Variants in EPHA6 observed in about 807,000 individuals in gnomAD.
EPHA6 encodes the protein EPH receptor A6.
A neutral mutation model predicts 112.0 loss-of-function variants in EPHA6; 50 were observed. The observed-to-expected ratio is 0.45, with a 90% CI of 0.36 to 0.56. EPHA6 has a LOEUF of 0.56. EPHA6 is among the 20% of genes least tolerant of loss of function. The pLI is 0.00. For missense variants in EPHA6, 1,280 were observed against 1,417.4 expected, an observed-to-expected ratio of 0.90 and a Z score of 1.56; for synonymous variants, 529 against 490.7, an observed-to-expected ratio of 1.08 and a Z score of -1.03.
At position 96,845,045 on chromosome 3, in the gene EPHA6, A is replaced by G. The variant is rs2318152; in HGVS notation, c.386-21780A>G. Reference sequence around the variant, plus strand: ...GTGTATTTATTTTGTCATGTTCACTACTATTTTCCAAGTACATAGATATTA... The same window carrying G: ...GTGTATTTATTTTGTCATGTTCACTGCTATTTTCCAAGTACATAGATATTA... On this transcript the variant is annotated intron_variant, in intron 1 of 17. Coordinates refer to ENST00000389672, the MANE Select transcript of EPHA6 (RefSeq NM_001080448.3). Among the ~76,000 whole-genome samples, 1,111 of 152,142 alleles carry G rather than the reference A, an allele frequency of 7.3e-3. 11 individuals are homozygous for G. Among genetic ancestry groups the G allele is most frequent in the African/African-American group, 0.025 (1,030 of 41,552 alleles).
intron 3 of EPHA6, among the ~76,000 whole-genome samples, chr3:97,199,851 C>T (rs2077535095): frequency 6.6e-6 from 1 of 152,122 alleles, no homozygotes; most frequent in South Asian, 2.1e-4. Flanking sequence ...TTTGGTTATT[C>T]ACTGGCTATT....
At chr3:97,023,339 A>G (rs988580465) in intron 3 of EPHA6, among the ~76,000 whole-genome samples, 2 of 152,152 alleles carry the variant, frequency 1.3e-5, no homozygotes, top group African/African-American at 4.8e-5. Flanking sequence ...TTGGCCTCCC[A>G]AAGTGCTGGG....
intron 10 of EPHA6, among the ~76,000 whole-genome samples, chr3:97,506,777 C>T (rs1316965430): frequency 1.3e-5 from 2 of 152,104 alleles, no homozygotes; most frequent in African/African-American, 2.4e-5. Flanking sequence ...GCCATTTTCA[C>T]GATATTGATT....
At chr3:97,357,755 TA>T (rs2084160163) in intron 5 of EPHA6, among the ~76,000 whole-genome samples, 1 of 152,152 alleles carries the variant, frequency 6.6e-6, no homozygotes, top group South Asian at 2.1e-4. Flanking sequence ...AATTAACACA[TA>T]TTTTCTATAT....
At chr3:97,599,180 G>A (rs2093621770) in intron 12 of EPHA6, among the ~76,000 whole-genome samples, 1 of 151,130 alleles carries the variant, frequency 6.6e-6, no homozygotes, top group Non-Finnish European at 1.5e-5. Context: ...TTTGTCAGAC[G>A]AGTAGGTTGC....
chr3:97,738,292 G>C (rs1416471804), intron 16 of EPHA6, among the ~76,000 whole-genome samples: 1 of 151,942 alleles, frequency 6.6e-6, no homozygotes, highest in African/African-American at 2.4e-5. Context: ...AGAGCTAGTA[G>C]TGAGTCTGCA....
At chr3:96,863,934 A>G (rs1173890633) in intron 1 of EPHA6, among the ~76,000 whole-genome samples, 1 of 152,052 alleles carries the variant, frequency 6.6e-6, no homozygotes, top group African/African-American at 2.4e-5. Context: ...TGATGAGAAA[A>G]TTAGAATAAA....
intron 15 of EPHA6, among the ~76,000 whole-genome samples, chr3:97,730,263 G>A (rs1246488235): frequency 6.6e-6 from 1 of 152,018 alleles, no homozygotes; most frequent in African/African-American, 2.4e-5. Flanking sequence ...GAGCAGAACA[G>A]CCTGCTACGT....
intron 4 of EPHA6, among the ~76,000 whole-genome samples, chr3:97,240,352 T>C (rs939456783): frequency 2.6e-5 from 4 of 151,880 alleles, no homozygotes; most frequent in African/African-American, 9.7e-5. Context: ...TTGTTTTCTG[T>C]TAATAAACCA....
At chr3:97,415,652 T>G (rs2088065150) in intron 6 of EPHA6, among the ~76,000 whole-genome samples, 1 of 152,064 alleles carries the variant, frequency 6.6e-6, no homozygotes, top group Admixed American at 6.6e-5. Flanking sequence ...TTAAAGCACT[T>G]GTCTTTGAAT....
Position 97,475,440 on chromosome 3 carries a change from A to T in EPHA6, c.1983A>T (p.Leu661Phe). ...TCACTCTCCTCGTCATCCTCACTTTATTCTTCTTGATCACTGGGAGGTAAC... is the reference window on the plus strand; with the variant it reads ...TCACTCTCCTCGTCATCCTCACTTTTTTCTTCTTGATCACTGGGAGGTAAC... ...GGFTLLVILTLFFLITGRCQW... is the reference protein window; with the variant it reads ...GGFTLLVILTFFFLITGRCQW... The change falls in exon 8 of 18, where the codon TTA becomes TTT. Residue 661 changes from leucine (L) to phenylalanine (F), a missense_variant. By Grantham distance (22) the Leu-to-Phe change is conservative. This residue lies in a region of EPHA6 where 878 missense variants were observed against 999.7 expected (regional missense o/e 0.88). Transcript: ENST00000389672. 6.2e-7 allele frequency: 1 copy of T among 1,610,774 alleles called. No homozygotes were observed. Among genetic ancestry groups the T allele is most frequent in the Admixed American group, 1.7e-5 (1 of 59,620 alleles).
chr3:97,028,968 G>A (rs202235966), intron 3 of EPHA6, among the ~76,000 whole-genome samples: 1 of 151,306 alleles, frequency 6.6e-6, no homozygotes, highest in South Asian at 2.1e-4. Flanking sequence ...GGATATAATA[G>A]CTTCAAACAT....
rs2035928697 is a variant in EPHA6, at chr3:97,752,580, T to C, written c.*3879T>C. ...GCACAACAAATCTAAAAAGATTGTATAGACTTTTTTAGAAGAGGCTTGGGG... is the reference window on the plus strand; with the variant it reads ...GCACAACAAATCTAAAAAGATTGTACAGACTTTTTTAGAAGAGGCTTGGGG... On this transcript the variant is annotated 3_prime_UTR_variant, in exon 18 of 18. Coordinates refer to ENST00000389672, the MANE Select transcript of EPHA6 (RefSeq NM_001080448.3). 9.3e-6 allele frequency: 2 copies of C among 215,882 alleles called. No homozygotes were observed. Among genetic ancestry groups the C allele is most frequent in the African/African-American group, 2.3e-5 (1 of 44,380 alleles). 13.4% of individuals were successfully genotyped at this position (215,882 alleles called of 1,614,324 possible).
chr3:96,854,888 CAA>C (rs1184356886), intron 1 of EPHA6, among the ~76,000 whole-genome samples: 2 of 152,154 alleles, frequency 1.3e-5, no homozygotes, highest in Admixed American at 6.6e-5. Flanking sequence ...ACTGCTGTAA[CAA>C]ATTACTACAT....
Position 97,605,710 on chromosome 3 carries a change from A to T in EPHA6, c.2513-5083A>T, listed in dbSNP as rs1287600419. Among the ~76,000 whole-genome samples the T allele has an allele frequency of 2.0e-5, 3 of 151,662 alleles. No homozygotes were observed. The Admixed American group carries it at 2.0e-4, about 10-fold the overall frequency. ...ACCTCCAGCTTTGTTCTCTTTGCTT[A>T]CAATTGCCTTGGCTATCTGGGTTCT... On this transcript the variant is annotated intron_variant, in intron 12 of 17. Coordinates refer to ENST00000389672, the MANE Select transcript of EPHA6 (RefSeq NM_001080448.3).
chr3:97,453,071 G>A (rs114892299), intron 7 of EPHA6, among the ~76,000 whole-genome samples: 2,279 of 151,754 alleles, frequency 0.015, 51 homozygotes, highest in African/African-American at 0.051. Context: ...TTTATTTAAA[G>A]CACTAGCAAG....
chr3:97,394,967 C>T (rs574907837), intron 5 of EPHA6, among the ~76,000 whole-genome samples: 3 of 151,588 alleles, frequency 2.0e-5, no homozygotes, highest in African/African-American at 7.2e-5. Context: ...GCTAATTCCC[C>T]ACCTCTGAAT....
At chr3:97,704,634 C>T (rs377377810) in intron 14 of EPHA6, among the ~76,000 whole-genome samples, 1 of 152,184 alleles carries the variant, frequency 6.6e-6, no homozygotes. Context: ...AGTATTTTCC[C>T]TAATACATAA....
chr3:97,652,976 G>A (rs2094116880), intron 14 of EPHA6, among the ~76,000 whole-genome samples: 1 of 151,878 alleles, frequency 6.6e-6, no homozygotes, highest in African/African-American at 2.4e-5. Context: ...AATAAAATGA[G>A]GAGTTTAAGT....
Sources: gnomAD v4.1 joint callset for allele counts (sites outside exome capture counted in the v4.1 genomes callset) on GRCh38, gnomAD v4.1.1 for gene constraint, gnomAD v4.1.1 regional missense constraint, MANE v1.5 for transcripts, NCBI Gene and HGNC (gene_info 2026-07-23, HGNC 2026-07-21) for gene names.